The following JMJD1C variants were observed in gnomAD, a reference collection of about 807,000 sequenced individuals.
JMJD1C encodes jumonji domain-containing protein 1C.
In JMJD1C, 31 loss-of-function variants were observed where a neutral mutation model predicts 245.3. The observed-to-expected ratio is 0.13, with a 90% CI of 0.09 to 0.17. The LOEUF (loss-of-function observed/expected upper bound fraction) is 0.17, where lower values mean the gene tolerates loss of function less well. Among genes scored for constraint, JMJD1C ranks in the 10% least tolerant of loss-of-function variants. The probability of loss-of-function intolerance (pLI) is 1.00; values close to 1 mark genes in which losing one functional copy is unlikely to be tolerated. For missense variants in JMJD1C, 2,691 were observed against 3,000.2 expected (o/e 0.90, Z 2.41); for synonymous variants, 1,057 against 1,017.4 (o/e 1.04, Z -0.74).
intron 1 of JMJD1C, among the ~76,000 whole-genome samples, chr10:63,419,487 G>T (rs1253416252): frequency 6.6e-6 from 1 of 152,096 alleles, no homozygotes; most frequent in African/African-American, 2.4e-5. Context: ...GACCTGAAAA[G>T]GTGAGAAACC....
At chr10:63,454,257 A>ATTTTTT (rs112838462) in intron 1 of JMJD1C, among the ~76,000 whole-genome samples, 3 of 146,066 alleles carry the variant, frequency 2.1e-5, no homozygotes, top group Non-Finnish European at 3.0e-5. Context: ...GGAGAAATTG[A>ATTTTTT]TTTTTTTTTT....
intron 1 of JMJD1C, among the ~76,000 whole-genome samples, chr10:63,472,868 G>T (rs112339729): frequency 5.3e-5 from 8 of 151,430 alleles, no homozygotes; most frequent in Non-Finnish European, 1.5e-5. Flanking sequence ...CACCGCAACC[G>T]CCTTCTCTCA....
At chr10:63,375,751 C>T (rs1946691753) in intron 2 of JMJD1C, among the ~76,000 whole-genome samples, 1 of 151,850 alleles carries the variant, frequency 6.6e-6, no homozygotes, top group African/African-American at 2.4e-5. Flanking sequence ...GAAGGGGGCT[C>T]GCTGCATTGT....
At chr10:63,168,322 G>C in intron 25 of JMJD1C, 113 bp downstream of exon 25, 1 of 1,118,692 alleles carries the variant, frequency 8.9e-7, no homozygotes, top group Non-Finnish European at 1.3e-6. Flanking sequence ...TTAATCTTTG[G>C]TTGTCACCCT....
rs1845078415 is a variant in JMJD1C, at chr10:63,193,396, G to A, written c.5811C>T (p.Asn1937=). The stretch of plus-strand genomic sequence containing the variant: ...AATTTCCAACTTGTAAATTCTGTTT[G>A]TTAGTACAATGACAATGGGATTTAA... ...YGIKSHCHCT[N]KQNLQVGNFP... Residue 1937 remains asparagine (N), a synonymous_variant, in exon 15 of 26, where the codon AAC becomes AAT. Coordinates refer to ENST00000399262, the MANE Select transcript of JMJD1C (RefSeq NM_032776.3). 1 of 1,602,662 alleles carries A rather than the reference G, an allele frequency of 6.2e-7. No homozygotes were observed. The highest frequency in any genetic ancestry group is 8.5e-7 in the Non-Finnish European group (1 of 1,171,884).
At chr10:63,337,807 G>T (rs184756536) in intron 2 of JMJD1C, among the ~76,000 whole-genome samples, 7 of 152,032 alleles carry the variant, frequency 4.6e-5, no homozygotes, top group Admixed American at 2.0e-4. Flanking sequence ...TCTCCCAGAG[G>T]TAAGGTATAT....
chr10:63,421,092 T>A (rs1051266253), intron 1 of JMJD1C, among the ~76,000 whole-genome samples: 1 of 152,004 alleles, frequency 6.6e-6, no homozygotes, highest in African/African-American at 2.4e-5. Flanking sequence ...CCCAACACAA[T>A]GGGAGGCCAA....
chr10:63,255,696 G>A (rs981045455), intron 3 of JMJD1C, among the ~76,000 whole-genome samples: 4 of 152,040 alleles, frequency 2.6e-5, no homozygotes, highest in African/African-American at 4.8e-5. Flanking sequence ...CAGTTGTGTG[G>A]ATTAATAAAT....
intron 2 of JMJD1C, among the ~76,000 whole-genome samples, chr10:63,335,023 GAAAAAAATAA>G (rs1166980002): frequency 4.0e-5 from 4 of 100,836 alleles, no homozygotes; most frequent in South Asian, 3.4e-4. Flanking sequence ...TCTGTCTTTG[GAAAAAAATAA>G]AAAAAAAAAA....
At chr10:63,300,013 A>G (rs781490711) in intron 2 of JMJD1C, among the ~76,000 whole-genome samples, 4 of 152,180 alleles carry the variant, frequency 2.6e-5, no homozygotes, top group Non-Finnish European at 5.9e-5. Flanking sequence ...GTCTGAGTTG[A>G]TGAGTATGTA....
rs1312828172 is a variant in JMJD1C, at chr10:63,357,103, A to G, written c.333+23215T>C. Among the ~76,000 whole-genome samples the G allele has an allele frequency of 2.0e-5, 3 of 150,338 alleles. No homozygotes were observed. In the East Asian group the frequency reaches 5.9e-4, roughly 29 times the overall value. ...GGCTGGAGTGCAGTGGCGCGACCTC[A>G]GCTCACCGCAACCTCTGCCTCCTGG... On this transcript the variant is annotated intron_variant, in intron 2 of 25. Coordinates refer to ENST00000399262, the MANE Select transcript of JMJD1C (RefSeq NM_032776.3).
At chr10:63,502,833 G>T (rs965012115) in intron 1 of JMJD1C, among the ~76,000 whole-genome samples, 1 of 152,014 alleles carries the variant, frequency 6.6e-6, no homozygotes, top group African/African-American at 2.4e-5. Flanking sequence ...CGGATAAAAA[G>T]ATCAAACTTT....
At chr10:63,365,606 A>AG (rs1224890183) in intron 2 of JMJD1C, among the ~76,000 whole-genome samples, 3 of 152,130 alleles carry the variant, frequency 2.0e-5, no homozygotes, top group African/African-American at 7.2e-5. Flanking sequence ...CCACTAGAGG[A>AG]GAAAAAAAAG....
intron 2 of JMJD1C, among the ~76,000 whole-genome samples, chr10:63,370,527 C>A (rs1193371477): frequency 6.6e-6 from 1 of 152,180 alleles, no homozygotes; most frequent in African/African-American, 2.4e-5. Flanking sequence ...GCCACAAAGT[C>A]TATGTCCTTA....
At chr10:63,216,492 C>T (rs1022165987) in intron 5 of JMJD1C, among the ~76,000 whole-genome samples, 3 of 151,834 alleles carry the variant, frequency 2.0e-5, no homozygotes, top group African/African-American at 7.3e-5. Flanking sequence ...GGGCAGATCA[C>T]GAGGTCAGGA....
chr10:63,516,387 T>A (rs1029247854), intron 1 of JMJD1C, among the ~76,000 whole-genome samples: 1 of 152,226 alleles, frequency 6.6e-6, no homozygotes, highest in Non-Finnish European at 1.5e-5. Flanking sequence ...CAGAAATCTG[T>A]TGAAATTCTG....
At chr10:63,307,908 G>A (rs905921135) in intron 2 of JMJD1C, among the ~76,000 whole-genome samples, 5 of 152,196 alleles carry the variant, frequency 3.3e-5, no homozygotes, top group East Asian at 1.9e-4. Flanking sequence ...CCAGCACTTC[G>A]GGAAGCTGAG....
At chr10:63,212,132 T>C (rs1294086330) in intron 8 of JMJD1C, among the ~76,000 whole-genome samples, 5 of 152,170 alleles carry the variant, frequency 3.3e-5, no homozygotes, top group Middle Eastern at 3.4e-3. Flanking sequence ...ATGAAAACCA[T>C]AGAAACAGAA....
chr10:63,208,080 G>T lies in JMJD1C; in HGVS notation c.3589C>A (p.Leu1197Ile). 1.9e-6 allele frequency: 3 copies of T among 1,614,112 alleles called. No individual in the cohort carries two copies. Among genetic ancestry groups the T allele is most frequent in the Non-Finnish European group, 2.5e-6 (3 of 1,179,984 alleles). Reference sequence around the variant, plus strand: ...CTATGTAATGCAGGCATACTGCGGAGTGTATTTGTAGAAGAAACTGTCAAA... The same window carrying T: ...CTATGTAATGCAGGCATACTGCGGATTGTATTTGTAGAAGAAACTGTCAAA... Reference protein sequence around the residue: ...THLTVSSTNTLRSMPALHRAP... With the variant: ...THLTVSSTNTIRSMPALHRAP... The change falls in exon 10 of 26, where the codon CTC becomes ATC. Residue 1197 changes from leucine (L) to isoleucine (I), a missense_variant. By Grantham distance (5) the Leu-to-Ile change is conservative. Transcript: ENST00000399262.
Sources: gnomAD v4.1 joint callset for allele counts (sites outside exome capture counted in the v4.1 genomes callset) on GRCh38, gnomAD v4.1.1 for gene constraint, MANE v1.5 for transcripts, NCBI Gene and HGNC (gene_info 2026-07-23, HGNC 2026-07-21) for gene names.